Variants in PCDHA1 observed in about 807,000 individuals in gnomAD.
The protein encoded by PCDHA1 is protocadherin alpha 1.
In PCDHA1, 42 loss-of-function variants were observed where a neutral mutation model predicts 61.3. That is an observed-to-expected ratio of 0.69 (90% CI 0.54 to 0.89). PCDHA1 has a LOEUF of 0.89. Among genes scored for constraint, PCDHA1 ranks in the 40% least tolerant of loss-of-function variants. The pLI is 0.00. For synonymous variants in PCDHA1, 610 were observed against 553.8 expected, an observed-to-expected ratio of 1.10 and a Z score of -1.43; for missense variants, 1,256 against 1,235.3, an observed-to-expected ratio of 1.02 and a Z score of -0.25.
chr5:140,803,164 A>G, intron 1 of PCDHA1: 3 of 1,613,870 alleles, frequency 1.9e-6, no homozygotes, highest in Non-Finnish European at 1.7e-6. Flanking sequence ...GACCACGGTG[A>G]ACCCTCATTG....
chr5:140,968,868 A>G, intron 1 of PCDHA1: 6 of 1,614,140 alleles, frequency 3.7e-6, no homozygotes, highest in Non-Finnish European at 5.1e-6. Flanking sequence ...CCTCGGACAT[A>G]CTCTGAAATT....
intron 1 of PCDHA1, among the ~76,000 whole-genome samples, chr5:140,954,899 T>C (rs2095107956): frequency 6.6e-6 from 1 of 152,196 alleles, no homozygotes; most frequent in South Asian, 2.1e-4. Flanking sequence ...GTTTTTATAG[T>C]TTCATACTTT....
At chr5:140,823,251 G>C (rs781822004) in intron 1 of PCDHA1, 2 of 1,613,318 alleles carry the variant, frequency 1.2e-6, no homozygotes, top group Non-Finnish European at 1.7e-6. Context: ...TGTCCTACTC[G>C]CTGGTGGAGC....
intron 1 of PCDHA1, chr5:140,822,814 C>T: frequency 8.1e-6 from 13 of 1,614,100 alleles, no homozygotes; most frequent in South Asian, 2.2e-5. Context: ...TGATAATACC[C>T]CAGAGATGGC....
chr5:140,871,327 C>G (rs782093100), intron 1 of PCDHA1: 12 of 1,614,102 alleles, frequency 7.4e-6, no homozygotes, highest in Admixed American at 1.7e-5. Context: ...GGTGTGCTCC[C>G]GCGCGGTGGG....
chr5:140,816,593 G>A (rs1765953910), intron 1 of PCDHA1: 1 of 151,658 alleles, frequency 6.6e-6, no homozygotes, highest in South Asian at 2.1e-4. Context: ...ATTACTTTGT[G>A]TTGATATCTA....
Position 140,928,898 on chromosome 5 carries a change from A to T in PCDHA1, c.2395-50051A>T, listed in dbSNP as rs782530169. ...CCTCAGTTACTTCCAGACTTTGAAGATGTCTGGGAACCAGGAGGGCAGCTT... is the reference window on the plus strand; with the variant it reads ...CCTCAGTTACTTCCAGACTTTGAAGTTGTCTGGGAACCAGGAGGGCAGCTT... On this transcript the variant is annotated intron_variant, in intron 1 of 3. Coordinates refer to ENST00000504120, the MANE Select transcript of PCDHA1 (RefSeq NM_018900.4). 77 of 1,614,004 alleles carry T rather than the reference A, an allele frequency of 4.8e-5. No individual in the cohort carries two copies. The African/African-American group carries it at 7.2e-4, about 15-fold the overall frequency.
At chr5:140,904,154 C>T (rs1163595423) in intron 1 of PCDHA1, among the ~76,000 whole-genome samples, 1 of 152,060 alleles carries the variant, frequency 6.6e-6, no homozygotes, top group Non-Finnish European at 1.5e-5. Flanking sequence ...ACATTGCACC[C>T]AGTTTGTAGT....
At chr5:140,881,323 T>C in intron 1 of PCDHA1, 1 of 984,214 alleles carries the variant, frequency 1.0e-6, no homozygotes, top group South Asian at 4.7e-5. Flanking sequence ...AAATTCTATT[T>C]AACCAGGACG....
At chr5:140,862,741 G>A (rs2153223703) in intron 1 of PCDHA1, 1 of 577,348 alleles carries the variant, frequency 1.7e-6, no homozygotes. Context: ...CTATGTGTGG[G>A]TGCACGCGGA....
At chr5:140,862,800 G>T (rs782261222) in intron 1 of PCDHA1, 1 of 575,550 alleles carries the variant, frequency 1.7e-6, no homozygotes, top group African/African-American at 2.0e-5. Flanking sequence ...AGGAGCTGGA[G>T]CTGCTGCAGT....
At chr5:140,941,222 T>C (rs147673675) in intron 1 of PCDHA1, among the ~76,000 whole-genome samples, 3 of 116,858 alleles carry the variant, frequency 2.6e-5, no homozygotes, top group African/African-American at 6.4e-5. Flanking sequence ...TTCCTTTCTT[T>C]CTTTCTTTCT....
At chr5:140,819,708 A>G (rs1417707772) in intron 1 of PCDHA1, among the ~76,000 whole-genome samples, 4 of 152,120 alleles carry the variant, frequency 2.6e-5, no homozygotes, top group African/African-American at 4.8e-5. Context: ...TTTAAAAAGT[A>G]AATATAATTT....
At chr5:140,836,381 G>A in intron 1 of PCDHA1, 2 of 1,613,746 alleles carry the variant, frequency 1.2e-6, no homozygotes, top group Non-Finnish European at 1.7e-6. Context: ...CCACCGTGCT[G>A]GTGTCGCTGG....
chr5:140,849,480 C>G (rs1554142971), intron 1 of PCDHA1: 1 of 1,590,328 alleles, frequency 6.3e-7, no homozygotes, highest in African/African-American at 1.4e-5. Context: ...AGGCTTCCCA[C>G]CCCTGGCTGG....
intron 1 of PCDHA1, chr5:140,802,943 G>A (rs782074820): frequency 1.2e-6 from 2 of 1,613,866 alleles, no homozygotes; most frequent in Non-Finnish European, 1.7e-6. Context: ...AGCTGGTGCC[G>A]CGGTCAGTGG....
At chr5:140,871,314 G>C (rs199741530) in intron 1 of PCDHA1, 3 of 1,614,048 alleles carry the variant, frequency 1.9e-6, no homozygotes, top group Admixed American at 3.3e-5. Flanking sequence ...GGAAGCCCAC[G>C]CTGGTGTGCT....
intron 1 of PCDHA1, chr5:140,824,323 T>A: frequency 1.4e-6 from 1 of 698,316 alleles, no homozygotes; most frequent in South Asian, 1.9e-5. Context: ...ATCAGCTTTC[T>A]GTGATATTAA....
chr5:140,803,759 T>C (rs1037330523), intron 1 of PCDHA1: 4 of 1,198,196 alleles, frequency 3.3e-6, no homozygotes, highest in Non-Finnish European at 4.6e-6. Flanking sequence ...TTGTTGCTAA[T>C]TTTTGAACCA....
Sources: allele counts gnomAD v4.1 joint callset (sites outside exome capture counted in the v4.1 genomes callset), GRCh38; gene constraint gnomAD v4.1.1; transcripts MANE v1.5; gene names NCBI Gene and HGNC (gene_info 2026-07-23, HGNC 2026-07-21).